Variants in SYNE2 observed in about 807,000 individuals in gnomAD.
SYNE2 encodes the protein spectrin repeat containing nuclear envelope protein 2.
A neutral mutation model predicts 856.3 loss-of-function variants in SYNE2; 431 were observed. The ratio of observed to expected loss-of-function variants is 0.50; its 90% CI spans 0.47 to 0.55. The LOEUF is 0.55. Among genes scored for constraint, SYNE2 ranks in the 20% least tolerant of loss-of-function variants. The probability of loss-of-function intolerance (pLI) is 0.00; values close to 1 mark genes in which losing one functional copy is unlikely to be tolerated. For synonymous variants in SYNE2, 2,923 were observed against 2,872.3 expected (o/e 1.02, Z -0.56); for missense variants, 8,129 against 8,023.2 (o/e 1.01, Z -0.50).
At chr14:64,114,313 G>T (rs181629399) in intron 66 of SYNE2, among the ~76,000 whole-genome samples, 71 of 152,222 alleles carry the variant, frequency 4.7e-4, no homozygotes, top group African/African-American at 1.6e-3. Flanking sequence ...ACAAGAGCAG[G>T]GGCACGCGAG....
chr14:64,214,643 C>T (rs1315257864), intron 106 of SYNE2, 173 bp downstream of exon 106: 2 of 646,270 alleles, frequency 3.1e-6, no homozygotes, highest in Admixed American at 5.6e-5. Context: ...AGAATTGGCT[C>T]ACTCTCATCA....
Position 64,209,998 on chromosome 14 carries a change from G to C in SYNE2, c.18597G>C (p.Gln6199His). The change falls in exon 103 of 116, where the codon CAG becomes CAC. Residue 6199 changes from glutamine to histidine, a missense_variant. Around this residue, in one of 3 missense-constraint regions of SYNE2, gnomAD observed 5,410 missense variants for 5,284.8 expected, o/e 1.02. Transcript: ENST00000555002. Reference protein sequence around the residue: ...RLTQLELINKQYRRLARENRT... With the variant: ...RLTQLELINKHYRRLARENRT... ...CTCAGCTGGAGCTCATCAACAAGCA[G>C]TACCGGCGGCTGGCCCGGGAGAACC... 6 of 1,614,172 alleles carry C rather than the reference G, an allele frequency of 3.7e-6. No homozygotes were observed. Among genetic ancestry groups the C allele is most frequent in the Non-Finnish European group, 5.1e-6 (6 of 1,180,034 alleles).
At chr14:63,792,990 T>C (rs187510300) in intron 1 of SYNE2, among the ~76,000 whole-genome samples, 1 of 152,314 alleles carries the variant, frequency 6.6e-6, no homozygotes, top group African/African-American at 2.4e-5. Flanking sequence ...TATTATTTTT[T>C]ATCAAGTTTC....
intron 8 of SYNE2, 77 bp from the exon 9 acceptor site, chr14:63,961,448 C>T: frequency 8.2e-7 from 1 of 1,225,524 alleles, no homozygotes; most frequent in Admixed American, 1.9e-5. Context: ...ATGGCAGAGG[C>T]TATGGCATAG....
At chr14:64,093,207 G>T (rs528837679) in intron 60 of SYNE2, 142 bp from the exon 61 acceptor site, 2 of 934,586 alleles carry the variant, frequency 2.1e-6, no homozygotes, top group South Asian at 3.2e-5. Flanking sequence ...TCTCTGTTTA[G>T]GCTACCACGT....
At position 64,052,816 on chromosome 14, in the gene SYNE2, T is replaced by C. The variant is rs2097237434; in HGVS notation, c.8903T>C (p.Leu2968Ser). Reference sequence around the variant, plus strand: ...GACAGTATACAGCGCAATGAACTATTACTTAATCAAGAAGTAAATAAAGGT... The same window carrying C: ...GACAGTATACAGCGCAATGAACTATCACTTAATCAAGAAGTAAATAAAGGT... The part of the protein sequence containing the change: ...EADSIQRNEL[L>S]LNQEVNKGVK... Residue 2968 changes from leucine (L) to serine (S), a missense_variant, in exon 48 of 116, where the codon TTA (leucine) becomes TCA (serine). Around this residue, in one of 3 missense-constraint regions of SYNE2, gnomAD observed 5,410 missense variants for 5,284.8 expected, o/e 1.02. Transcript: ENST00000555002. The C allele has an allele frequency of 6.2e-7, 1 of 1,612,550 alleles. No homozygotes were observed. Among genetic ancestry groups the C allele is most frequent in the African/African-American group, 1.3e-5 (1 of 74,844 alleles).
chr14:63,929,435 A>G (rs1235543531), intron 2 of SYNE2, among the ~76,000 whole-genome samples: 1 of 152,188 alleles, frequency 6.6e-6, no homozygotes, highest in Admixed American at 6.5e-5. Flanking sequence ...AATATGATAA[A>G]GAGTAATTGG....
rs1214473788 is a variant in SYNE2 at position 64,026,592 on chromosome 14, T to C, written c.6266T>C (p.Leu2089Pro). The C allele has an allele frequency of 6.2e-7, 1 of 1,613,416 alleles. No homozygotes were observed. Among genetic ancestry groups the C allele is most frequent in the Non-Finnish European group, 8.5e-7 (1 of 1,179,622 alleles). The part of the protein sequence containing the change: ...RIQKIKEIIL[L>P]KPEGDARIET... ...TATTTAATTCAGGAAATCATTTTGC[T>C]GAAGCCTGAAGGGGATGCCAGAATA... The change falls in exon 42 of 116, where the codon CTG (leucine) becomes CCG (proline). Residue 2089 changes from leucine (L) to proline (P), a missense_variant. Physicochemically the swap from Leu to Pro is moderately conservative, Grantham distance 98. Around this residue, in one of 3 missense-constraint regions of SYNE2, gnomAD observed 297 missense variants for 380.9 expected, o/e 0.78. Transcript: ENST00000555002.
chr14:64,081,270 A>G (rs2097521487), intron 56 of SYNE2, among the ~76,000 whole-genome samples, 173 bp from the exon 57 acceptor site: 1 of 152,208 alleles, frequency 6.6e-6, no homozygotes, highest in African/African-American at 2.4e-5. Context: ...TTAGTCTTAA[A>G]AGTCAGAAGT....
intron 1 of SYNE2, among the ~76,000 whole-genome samples, chr14:63,799,550 A>AC (rs1888050444): frequency 6.6e-6 from 1 of 151,914 alleles, no homozygotes; most frequent in African/African-American, 2.4e-5. Flanking sequence ...ACAAAACAAA[A>AC]AAATTTAGCC....
chr14:64,197,796 T>TG (rs35958206), intron 99 of SYNE2, among the ~76,000 whole-genome samples: 1,670 of 152,352 alleles, frequency 0.011, 68 homozygotes, highest in East Asian at 0.1. Context: ...GTTGCTAACC[T>TG]GACTTGATTT....
At chr14:64,071,409 G>A (rs1271034840) in intron 52 of SYNE2, among the ~76,000 whole-genome samples, 2 of 151,884 alleles carry the variant, frequency 1.3e-5, no homozygotes, top group African/African-American at 4.8e-5. Flanking sequence ...CAGGAGAATG[G>A]CGTGAACCCA....
intron 111 of SYNE2, 103 bp from the exon 112 acceptor site, chr14:64,221,473 A>G: frequency 6.2e-7 from 1 of 1,610,054 alleles, no homozygotes; most frequent in Non-Finnish European, 8.5e-7. Flanking sequence ...AAGGCCAGAA[A>G]AGCAAATGAC....
rs1446360192 is a variant in SYNE2 at position 64,098,797 on chromosome 14, G to A, written c.12357G>A (p.Val4119=). The A allele has an allele frequency of 1.2e-6, 2 of 1,613,940 alleles. No homozygotes were observed. Among genetic ancestry groups the A allele is most frequent in the East Asian group, 2.2e-5 (1 of 44,896 alleles). Residue 4119 remains valine (V), a synonymous_variant, in exon 63 of 116, where the codon GTG becomes GTA. Coordinates refer to ENST00000555002, the MANE Select transcript of SYNE2 (RefSeq NM_182914.3). ...MSYLAAVEEE[V]EESSVKSDNG... ...ACCTGGCAGCAGTCGAGGAAGAGGT[G>A]GAAGAAAGTTCCGTGAAGAGCGATG...
rs1259809998 is a variant in SYNE2, at chr14:64,097,994, A to G, written c.12154A>G (p.Arg4052Gly). Residue 4052 changes from arginine to glycine, a missense_variant, in exon 62 of 116, where the codon AGA (arginine) becomes GGA (glycine). By Grantham distance (125) the Arg-to-Gly change is moderately radical. Transcript: ENST00000555002. ...GAAACAGATTCTGAGTTTGAACCAG[A>G]GAAAAGAAGACCTGTTGGTGGACTT... is the stretch of plus-strand genomic sequence containing the variant. ...MEKQILSLNQRKEDLLVDLKA... is the reference protein window; with the variant it reads ...MEKQILSLNQGKEDLLVDLKA... The G allele has an allele frequency of 1.9e-6, 3 of 1,614,138 alleles. No individual in the cohort carries two copies. In the Admixed American group the frequency reaches 5.0e-5, roughly 27 times the overall value.
At chr14:64,046,748 C>G (rs1424506066) in intron 45 of SYNE2, among the ~76,000 whole-genome samples, 2 of 152,340 alleles carry the variant, frequency 1.3e-5, no homozygotes, top group East Asian at 3.9e-4. Context: ...TGCTCAACCC[C>G]TTGCTGGAGG....
Position 64,048,137 on chromosome 14 carries a change from A to G in SYNE2, c.7359A>G (p.Glu2453=). 1 of 1,613,406 alleles carries G rather than the reference A, an allele frequency of 6.2e-7. No homozygotes were observed. The highest frequency in any genetic ancestry group is 8.5e-7 in the Non-Finnish European group (1 of 1,179,608). Residue 2453 remains glutamate, a synonymous_variant, in exon 46 of 116, where the codon GAA becomes GAG. Transcript: ENST00000555002. ...PLELDTMLRN[E]QLEEIEKLYT... ...AATTAGATACTATGTTAAGAAATGA[A>G]CAATTAGAAGAGATAGAGGTATGGA...
At chr14:63,993,396 C>T (rs558910093) in intron 21 of SYNE2, among the ~76,000 whole-genome samples, 13 of 152,058 alleles carry the variant, frequency 8.5e-5, no homozygotes, top group Non-Finnish European at 1.8e-4. Flanking sequence ...AAACAAAAAA[C>T]AAAACGAAAC....
chr14:64,224,802 T>C (rs1273345831), intron 114 of SYNE2, among the ~76,000 whole-genome samples, 197 bp from the exon 115 acceptor site: 1 of 152,184 alleles, frequency 6.6e-6, no homozygotes, highest in Non-Finnish European at 1.5e-5. Context: ...CACTTGACCC[T>C]GAAACTGAGT....
Sources: gnomAD v4.1 joint callset for allele counts (sites outside exome capture counted in the v4.1 genomes callset) on GRCh38, gnomAD v4.1.1 for gene constraint, gnomAD v4.1.1 regional missense constraint, MANE v1.5 for transcripts, NCBI Gene and HGNC (gene_info 2026-07-23, HGNC 2026-07-21) for gene names.